The following SPATS2L variants were observed in gnomAD, a reference collection of about 807,000 sequenced individuals.
SPATS2L encodes spermatogenesis associated serine rich 2 like.
Under a neutral mutation model 59.6 loss-of-function variants are expected in SPATS2L, and 30 were observed. The observed-to-expected ratio is 0.50, with a 90% CI of 0.38 to 0.68. The LOEUF (loss-of-function observed/expected upper bound fraction) is 0.68. SPATS2L is among the 30% of genes least tolerant of loss of function. The pLI, the probability that SPATS2L is intolerant of heterozygous loss-of-function variation, is 0.00. For missense variants in SPATS2L, 615 were observed against 700.0 expected, an observed-to-expected ratio of 0.88 and a Z score of 1.37; for synonymous variants, 252 against 263.5, an observed-to-expected ratio of 0.96 and a Z score of 0.42.
chr2:200,479,768 G>C lies in SPATS2L; in HGVS notation c.*1737G>C, dbSNP rs2043770. On this transcript the variant is annotated 3_prime_UTR_variant, in exon 13 of 13. Transcript: ENST00000409140. The stretch of plus-strand genomic sequence containing the variant: ...GTTCACTGGTTCTCTTCCACAGAGC[G>C]GCCCTGAGCAGCTGAGCCTGCAAGC... The C allele has an allele frequency of 5.0e-6, 2 of 398,354 alleles. 1 individual carries two copies. Among genetic ancestry groups the C allele is most frequent in the African/African-American group, 4.1e-5 (2 of 48,518 alleles). 24.7% of individuals were successfully genotyped at this position (398,354 alleles called of 1,614,324 possible). A position where few individuals can be genotyped will look rare whatever the true frequency, so the allele number is the denominator to read the frequency against.
intron 6 of SPATS2L, among the ~76,000 whole-genome samples, chr2:200,438,387 A>G (rs2084450664): frequency 6.6e-6 from 1 of 152,160 alleles, no homozygotes; most frequent in Admixed American, 6.5e-5. Flanking sequence ...GTTAAGAGTG[A>G]TACATTTCCG....
intron 1 of SPATS2L, among the ~76,000 whole-genome samples, chr2:200,326,708 A>T (rs1048138187): frequency 6.6e-6 from 1 of 152,022 alleles, no homozygotes; most frequent in African/African-American, 2.4e-5. Flanking sequence ...AACCTATCAG[A>T]ATAATGCATG....
chr2:200,361,223 A>G (rs937635723), intron 2 of SPATS2L, among the ~76,000 whole-genome samples: 1 of 152,202 alleles, frequency 6.6e-6, no homozygotes, highest in Admixed American at 6.5e-5. Context: ...TAAAGCAAAG[A>G]GAAACAAAGT....
intron 2 of SPATS2L, among the ~76,000 whole-genome samples, chr2:200,351,673 T>C (rs145669866): frequency 1.8e-4 from 27 of 152,288 alleles, no homozygotes; most frequent in Non-Finnish European, 3.7e-4. Flanking sequence ...AATTTTTTTA[T>C]TCACTCCTCC....
At chr2:200,402,019 A>G (rs981612797) in intron 3 of SPATS2L, among the ~76,000 whole-genome samples, 4 of 152,202 alleles carry the variant, frequency 2.6e-5, no homozygotes, top group African/African-American at 9.6e-5. Context: ...AAACCAAGGA[A>G]TCACCCATGT....
At chr2:200,343,443 CTT>C (rs1444967102) in intron 2 of SPATS2L, among the ~76,000 whole-genome samples, 1 of 152,224 alleles carries the variant, frequency 6.6e-6, no homozygotes, top group African/African-American at 2.4e-5. Flanking sequence ...TTTAGTTTCT[CTT>C]CATGTAGTAC....
intron 2 of SPATS2L, among the ~76,000 whole-genome samples, chr2:200,332,544 G>GC (rs1183847645): frequency 3.3e-5 from 5 of 152,158 alleles, no homozygotes; most frequent in Admixed American, 3.3e-4. Flanking sequence ...ACCATGCCTG[G>GC]CCCAAACTAT....
At chr2:200,453,991 C>T (rs780207080) in intron 8 of SPATS2L, among the ~76,000 whole-genome samples, 23 of 152,086 alleles carry the variant, frequency 1.5e-4, no homozygotes, top group Non-Finnish European at 2.5e-4. Flanking sequence ...GGCCTGCCTC[C>T]CTCCCCATGC....
intron 2 of SPATS2L, among the ~76,000 whole-genome samples, chr2:200,337,429 C>G (rs1323519562): frequency 6.6e-6 from 1 of 152,160 alleles, no homozygotes; most frequent in East Asian, 1.9e-4. Context: ...TAGCTTTGTT[C>G]TCCTAACCCC....
At chr2:200,354,362 A>G (rs2080841562) in intron 2 of SPATS2L, among the ~76,000 whole-genome samples, 2 of 152,250 alleles carry the variant, frequency 1.3e-5, no homozygotes, top group Admixed American at 1.3e-4. Flanking sequence ...TAATCCCAGC[A>G]CTTTGGAAGA....
chr2:200,448,644 C>T (rs1415246115), intron 8 of SPATS2L, among the ~76,000 whole-genome samples: 1 of 152,174 alleles, frequency 6.6e-6, no homozygotes, highest in Non-Finnish European at 1.5e-5. Flanking sequence ...ACAAACCAGA[C>T]TTTCTGACTA....
chr2:200,331,372 A>G (rs1201680773), intron 2 of SPATS2L, among the ~76,000 whole-genome samples: 2 of 152,240 alleles, frequency 1.3e-5, no homozygotes, highest in East Asian at 3.8e-4. Context: ...CCAGAATTAG[A>G]GAGTTGCTTG....
intron 2 of SPATS2L, among the ~76,000 whole-genome samples, chr2:200,350,683 C>T (rs1282334670): frequency 6.6e-6 from 1 of 151,956 alleles, no homozygotes. Context: ...GCCACCACAC[C>T]CAGCTATGTT....
chr2:200,383,024 G>A lies in SPATS2L; in HGVS notation c.-22-6199G>A, dbSNP rs562413978. ...GGATGGAGACACTAGTAGTTCTCAC[G>A]GTTTTGCTAGTGCACGTCCGAATAC... On this transcript the variant is annotated intron_variant, in intron 2 of 12. Transcript: ENST00000409140. Among the ~76,000 whole-genome samples, 7 of 152,214 alleles carry A rather than the reference G, an allele frequency of 4.6e-5. No individual in the cohort carries two copies. In the South Asian group the frequency reaches 1.0e-3, roughly 23 times the overall value.
chr2:200,454,926 A>T (rs1427354150), intron 8 of SPATS2L, among the ~76,000 whole-genome samples: 2 of 152,196 alleles, frequency 1.3e-5, no homozygotes, highest in African/African-American at 4.8e-5. Flanking sequence ...AAACATTCAG[A>T]ACTTAGCATT....
intron 3 of SPATS2L, among the ~76,000 whole-genome samples, chr2:200,396,612 ATTTGATTAGAGAGAG>A (rs2082363482): frequency 6.6e-6 from 1 of 152,202 alleles, no homozygotes; most frequent in African/African-American, 2.4e-5. Context: ...AAATCCAAGC[ATTTGATTAGAGAGAG>A]TACAGAAGAA....
rs548846350 is a variant in SPATS2L at position 200,307,771 on chromosome 2, G to A, written c.-73+849G>A. ...GAGTGGAGGTTTCGTGTTCCCGCGG[G>A]GTTGGTGTGTTTTTGAACTTCACGA... On this transcript the variant is annotated intron_variant, in intron 1 of 12. Coordinates refer to ENST00000409140, the MANE Select transcript of SPATS2L (RefSeq NM_001100423.2). 7.2e-5 allele frequency among the ~76,000 whole-genome samples: 11 copies of A among 152,372 alleles called. No homozygotes were observed. In the South Asian group the frequency reaches 1.7e-3, roughly 23 times the overall value.
At chr2:200,418,299 G>A (rs1030794401) in intron 5 of SPATS2L, among the ~76,000 whole-genome samples, 5 of 152,156 alleles carry the variant, frequency 3.3e-5, no homozygotes, top group African/African-American at 4.8e-5. Context: ...ATGGCAGGGC[G>A]CAGTGGCTTG....
rs2087759021 is a variant in SPATS2L at position 200,480,866 on chromosome 2, A to T, written c.*2835A>T. On this transcript the variant is annotated 3_prime_UTR_variant, in exon 13 of 13. Coordinates refer to ENST00000409140, the MANE Select transcript of SPATS2L (RefSeq NM_001100423.2). ...TCTGCCATTCATTTAAAGTGTTTTA[A>T]ACTCTAATCTCTCTACTTAATGCAC... The T allele has an allele frequency of 6.6e-6, 1 of 152,214 alleles. No homozygotes were observed. The highest frequency in any genetic ancestry group is 1.5e-5 in the Non-Finnish European group (1 of 68,030). The allele number at this position is 152,214 out of a possible 1,614,324, so 9.4% of individuals were successfully genotyped here. A position where few individuals can be genotyped will look rare whatever the true frequency, so the allele number is the denominator to read the frequency against.
Sources: gnomAD v4.1 joint callset for allele counts (sites outside exome capture counted in the v4.1 genomes callset) on GRCh38, gnomAD v4.1.1 for gene constraint, MANE v1.5 for transcripts, NCBI Gene and HGNC (gene_info 2026-07-23, HGNC 2026-07-21) for gene names.